PRDM5: variants seen among roughly 807,000 people sequenced by gnomAD.
PRDM5 encodes PR domain zinc finger protein 5.
A neutral mutation model predicts 81.2 loss-of-function variants in PRDM5; 56 were observed. The ratio of observed to expected loss-of-function variants is 0.69; its 90% CI spans 0.56 to 0.86. The LOEUF is 0.86. PRDM5 is among the 40% of genes least tolerant of loss of function. The pLI is 0.00. For synonymous variants in PRDM5, 267 were observed against 256.4 expected, an observed-to-expected ratio of 1.04 and a Z score of -0.39; for missense variants, 697 against 770.1, an observed-to-expected ratio of 0.91 and a Z score of 1.12.
chr4:120,704,045 C>T (rs1735767957), intron 15 of PRDM5, among the ~76,000 whole-genome samples: 1 of 152,066 alleles, frequency 6.6e-6, no homozygotes, highest in African/African-American at 2.4e-5. Flanking sequence ...AAAATGAGAG[C>T]AATGGCAAGC....
intron 8 of PRDM5, among the ~76,000 whole-genome samples, chr4:120,811,065 C>T (rs1310462027): frequency 6.6e-6 from 1 of 152,024 alleles, no homozygotes; most frequent in Non-Finnish European, 1.5e-5. Flanking sequence ...ATGCTCATAG[C>T]TATGCTAAAA....
At chr4:120,871,610 A>C (rs1284118446) in intron 2 of PRDM5, among the ~76,000 whole-genome samples, 1 of 152,240 alleles carries the variant, frequency 6.6e-6, no homozygotes, top group East Asian at 1.9e-4. Flanking sequence ...ATAGGTCAAT[A>C]TTAAGTCTAG....
intron 3 of PRDM5, among the ~76,000 whole-genome samples, chr4:120,836,341 T>C (rs1757352123): frequency 6.6e-6 from 1 of 152,168 alleles, no homozygotes. Context: ...GAAAAATATA[T>C]CTTTTATAAT....
chr4:120,871,372 C>A (rs1331850844), intron 2 of PRDM5, among the ~76,000 whole-genome samples: 1 of 152,176 alleles, frequency 6.6e-6, no homozygotes, highest in Non-Finnish European at 1.5e-5. Flanking sequence ...CTGGGTATGG[C>A]TCCCTGTGGC....
rs913251416 is a variant in PRDM5, at chr4:120,777,412, G to A, written c.1444-131C>T. 2.0e-5 allele frequency: 30 copies of A among 1,483,886 alleles called. No homozygotes were observed. The South Asian group carries it at 2.7e-4, about 13-fold the overall frequency. The allele number at this position is 1,483,886 out of a possible 1,614,324, so 91.9% of individuals were successfully genotyped here. On this transcript the variant is annotated intron_variant, in intron 12 of 15. Transcript: ENST00000264808. ...CATTAAAATGATTTAATTTCACAAT[G>A]AGATTTTAAACAATTTATGATGGAT...
At position 120,798,544 on chromosome 4, in the gene PRDM5, TA is replaced by T. The variant is rs144058009; in HGVS notation, c.1031-121del. 6.2e-3 allele frequency: 5,148 copies of T among 836,026 alleles called. 180 individuals carry two copies. In the African/African-American group the frequency reaches 0.078, roughly 13 times the overall value. 51.8% of individuals were successfully genotyped at this position (836,026 alleles called of 1,614,324 possible). A position where few individuals can be genotyped will look rare whatever the true frequency, so the allele number is the denominator to read the frequency against. On this transcript the variant is annotated intron_variant, in intron 9 of 15. Coordinates refer to ENST00000264808, the MANE Select transcript of PRDM5 (RefSeq NM_018699.4). Reference sequence around the variant, plus strand: ...GAAAACTAAAGGATGGTCAAACAACTAAAAAACATCTACCATCCACATAATA... The same window carrying T: ...GAAAACTAAAGGATGGTCAAACAACTAAAAACATCTACCATCCACATAATA...
chr4:120,815,374 C>T (rs1348334047), intron 7 of PRDM5, among the ~76,000 whole-genome samples: 1 of 152,166 alleles, frequency 6.6e-6, no homozygotes, highest in South Asian at 2.1e-4. Context: ...GTGAAGGGCA[C>T]CAAGCTGGAG....
intron 14 of PRDM5, among the ~76,000 whole-genome samples, chr4:120,735,433 A>T (rs1362521037): frequency 6.6e-6 from 1 of 152,200 alleles, no homozygotes; most frequent in Non-Finnish European, 1.5e-5. Flanking sequence ...TAAAACACTG[A>T]TTCCAGCTGT....
chr4:120,828,605 GA>G (rs1756330354), intron 3 of PRDM5, among the ~76,000 whole-genome samples: 1 of 152,044 alleles, frequency 6.6e-6, no homozygotes, highest in Admixed American at 6.6e-5. Context: ...TTTATGGGCT[GA>G]AGGGAATTTG....
downstream of PRDM5, among the ~76,000 whole-genome samples, chr4:120,688,011 T>C (rs894113848): frequency 6.6e-6 from 1 of 152,130 alleles, no homozygotes; most frequent in African/African-American, 2.4e-5. Flanking sequence ...AAGAAGTGGG[T>C]TTGCTGGATC....
intron 10 of PRDM5, among the ~76,000 whole-genome samples, chr4:120,786,175 A>ATAT (rs1749741755): frequency 6.6e-6 from 1 of 152,160 alleles, no homozygotes; most frequent in African/African-American, 2.4e-5. Context: ...ATTAATTTAT[A>ATAT]TATTTTCTTA....
At chr4:120,884,001 A>T (rs183144848) in intron 2 of PRDM5, among the ~76,000 whole-genome samples, 1 of 152,216 alleles carries the variant, frequency 6.6e-6, no homozygotes, top group East Asian at 1.9e-4. Context: ...TGGTGTATAA[A>T]TCTTAATAAA....
intron 3 of PRDM5, among the ~76,000 whole-genome samples, chr4:120,851,854 A>T (rs1361398649): frequency 6.6e-6 from 1 of 152,166 alleles, no homozygotes; most frequent in African/African-American, 2.4e-5. Context: ...AAATGACCAC[A>T]TGTATATGAA....
chr4:120,705,761 A>T (rs1736015943), intron 15 of PRDM5, among the ~76,000 whole-genome samples: 1 of 152,188 alleles, frequency 6.6e-6, no homozygotes. Flanking sequence ...TTCTACAAAG[A>T]TTACTCTGCA....
chr4:120,873,386 C>G (rs546133093), intron 2 of PRDM5, among the ~76,000 whole-genome samples: 5 of 152,158 alleles, frequency 3.3e-5, no homozygotes, highest in Non-Finnish European at 7.3e-5. Context: ...AAGATATGTG[C>G]TCAATTTTCA....
Position 120,922,506 on chromosome 4 carries a change from G to C in PRDM5, c.93+10C>G, listed in dbSNP as rs781305440. ...TGCAGGGGCGCGCAGGCCGCCGCCG[G>C]GTCACCCACCTTTCGCACTCTGCGG... On this transcript the variant is annotated intron_variant, in intron 1 of 15. Transcript: ENST00000264808. 2.5e-6 allele frequency: 4 copies of C among 1,591,896 alleles called. No individual in the cohort carries two copies. In the Admixed American group the frequency reaches 6.9e-5, roughly 27 times the overall value.
chr4:120,818,331 G>A (rs1233765659), intron 5 of PRDM5, 22 bp downstream of exon 5: 2 of 1,606,340 alleles, frequency 1.2e-6, no homozygotes, highest in South Asian at 1.1e-5. Context: ...TAATTTTAAA[G>A]ATATTTCTTT....
intron 14 of PRDM5, among the ~76,000 whole-genome samples, chr4:120,718,889 A>G (rs1290115416): frequency 6.6e-6 from 1 of 152,202 alleles, no homozygotes; most frequent in African/African-American, 2.4e-5. Context: ...GATGTGGGGC[A>G]GGTTCACTTA....
At chr4:120,761,635 A>G (rs1745626217) in intron 13 of PRDM5, among the ~76,000 whole-genome samples, 1 of 152,194 alleles carries the variant, frequency 6.6e-6, no homozygotes, top group South Asian at 2.1e-4. Flanking sequence ...ACATCACTGA[A>G]TATCCATCTA....
Sources: gnomAD v4.1 joint callset for allele counts (sites outside exome capture counted in the v4.1 genomes callset) on GRCh38, gnomAD v4.1.1 for gene constraint, MANE v1.5 for transcripts, NCBI Gene and HGNC (gene_info 2026-07-23, HGNC 2026-07-21) for gene names.